TALDO1: variants seen among roughly 807,000 people sequenced by gnomAD.
TALDO1 encodes transaldolase.
In TALDO1, 29 loss-of-function variants were observed where a neutral mutation model predicts 38.1. The ratio of observed to expected loss-of-function variants is 0.76; its 90% CI spans 0.57 to 1.04. The LOEUF is 1.04. Among genes scored for constraint, TALDO1 ranks in the 50% least tolerant of loss-of-function variants. TALDO1 has a pLI of 0.00. For synonymous variants in TALDO1, 207 were observed against 176.8 expected, an observed-to-expected ratio of 1.17 and a Z score of -1.36; for missense variants, 499 against 438.1, an observed-to-expected ratio of 1.14 and a Z score of -1.24.
chr11:747,527 G>C lies in TALDO1; in HGVS notation c.46G>C (p.Asp16His). 3 of 1,600,208 alleles carry C rather than the reference G, an allele frequency of 1.9e-6. No homozygotes were observed. Among genetic ancestry groups the C allele is most frequent in the Non-Finnish European group, 2.6e-6 (3 of 1,175,028 alleles). The change falls in exon 1 of 8, where the codon GAC (aspartate) becomes CAC (histidine). Residue 16 changes from aspartate to histidine, a missense_variant. Physicochemically the swap from Asp to His is moderately conservative, Grantham distance 81. Transcript: ENST00000319006. ...GCGTCAGAGGATGGAGTCCGCGCTG[G>C]ACCAGCTCAAGCAGTTCACCACCGT... ...VKRQRMESALDQLKQFTTVVA... is the reference protein window; with the variant it reads ...VKRQRMESALHQLKQFTTVVA...
intron 1 of TALDO1, among the ~76,000 whole-genome samples, chr11:750,681 T>C (rs1862735348): frequency 6.6e-6 from 1 of 151,842 alleles, no homozygotes; most frequent in Admixed American, 6.6e-5. Flanking sequence ...AAAAATTATC[T>C]GGGCGTGGTG....
intron 2 of TALDO1, among the ~76,000 whole-genome samples, chr11:757,049 G>A (rs1012477130): frequency 1.1e-4 from 16 of 152,336 alleles, no homozygotes; most frequent in African/African-American, 3.8e-4. Context: ...CTCTGGTACT[G>A]GCTTTGCTTA....
chr11:763,267 TCCCCGCCCTCACCC>T, intron 4 of TALDO1, 63 bp from the exon 5 acceptor site: 65 of 142,130 alleles, frequency 4.6e-4, no homozygotes, highest in South Asian at 3.2e-3. Flanking sequence ...GCCCTCACCG[TCCCCGCCCTCACCC>T]GCCCCCGCCC....
intron 4 of TALDO1, among the ~76,000 whole-genome samples, chr11:762,116 C>T (rs1350288182): frequency 8.5e-5 from 13 of 152,182 alleles, no homozygotes; most frequent in Admixed American, 8.5e-4. Flanking sequence ...CAGGCAGGCG[C>T]CACCACTCCC....
chr11:763,907 C>G lies in TALDO1; in HGVS notation c.798C>G (p.Asp266Glu). 1 of 1,612,324 alleles carries G rather than the reference C, an allele frequency of 6.2e-7. No individual in the cohort carries two copies. The highest frequency in any genetic ancestry group is 1.7e-4 in the Middle Eastern group (1 of 5,910). Residue 266 changes from aspartate (D) to glutamate (E), a missense_variant, in exon 6 of 8, where the codon GAC (aspartate) becomes GAG (glutamate). Asp to Glu is a conservative substitution (Grantham distance 45). Coordinates refer to ENST00000319006, the MANE Select transcript of TALDO1 (RefSeq NM_006755.2). ...SPKLLGELLQ[D>E]NAKLVPVLSA... ...AGCTCCTGGGAGAGCTGCTGCAGGACAACGCCAAGCTGGTGCCTGTGCTCT... is the reference window on the plus strand; with the variant it reads ...AGCTCCTGGGAGAGCTGCTGCAGGAGAACGCCAAGCTGGTGCCTGTGCTCT...
intron 4 of TALDO1, among the ~76,000 whole-genome samples, chr11:761,606 T>C (rs1862925439): frequency 6.6e-6 from 1 of 152,252 alleles, no homozygotes; most frequent in Non-Finnish European, 1.5e-5. Flanking sequence ...CAGCCAATGC[T>C]ATACTCAAAT....
intron 1 of TALDO1, 144 bp from the exon 2 acceptor site, chr11:755,735 A>G: frequency 8.8e-7 from 1 of 1,137,372 alleles, no homozygotes; most frequent in Non-Finnish European, 1.3e-6. Flanking sequence ...ACCCAGAAGA[A>G]GGTGTGAGAA....
intron 2 of TALDO1, 91 bp downstream of exon 2, chr11:756,093 A>C: frequency 6.6e-7 from 1 of 1,512,242 alleles, no homozygotes; most frequent in Non-Finnish European, 8.9e-7. Flanking sequence ...TTAGTTCTCA[A>C]ACACCATGAA....
Position 760,208 on chromosome 11 carries a change from T to A in TALDO1, c.416T>A (p.Ile139Asn). Residue 139 changes from isoleucine (I) to asparagine (N), a missense_variant, in exon 4 of 8, where the codon ATT becomes AAT. Transcript: ENST00000319006. ...GAAGCTGGGATCAGCAAGGACCGAATTCTTATAAAGCTGTCATCAACCTGG... is the reference window on the plus strand; with the variant it reads ...GAAGCTGGGATCAGCAAGGACCGAAATCTTATAAAGCTGTCATCAACCTGG... ...YKEAGISKDR[I>N]LIKLSSTWEG... 6.2e-7 allele frequency: 1 copy of A among 1,614,220 alleles called. No homozygotes were observed. Among genetic ancestry groups the A allele is most frequent in the Non-Finnish European group, 8.5e-7 (1 of 1,180,028 alleles).
At chr11:753,037 T>C (rs1340988738) in intron 1 of TALDO1, among the ~76,000 whole-genome samples, 1 of 152,094 alleles carries the variant, frequency 6.6e-6, no homozygotes, top group East Asian at 1.9e-4. Flanking sequence ...CCCCCACACA[T>C]CGGTCACAGA....
chr11:764,471 CTA>C (rs771924893), intron 7 of TALDO1, 38 bp downstream of exon 7: 1 of 1,603,234 alleles, frequency 6.2e-7, no homozygotes, highest in East Asian at 2.2e-5. Flanking sequence ...ATGCCAAGCC[CTA>C]TGAGAGCCCG....
rs1472255822 is a variant in TALDO1 at position 761,353 on chromosome 11, A to G, written c.461+1100A>G. ...TCCATCTCAAAAAAAAAAAAAAAAAAGAAAAGAAAAACTAGCCCACCCCTG... is the reference window on the plus strand; with the variant it reads ...TCCATCTCAAAAAAAAAAAAAAAAAGGAAAAGAAAAACTAGCCCACCCCTG... On this transcript the variant is annotated intron_variant, in intron 4 of 7. Transcript: ENST00000319006. 5.3e-5 allele frequency among the ~76,000 whole-genome samples: 8 copies of G among 149,832 alleles called. No individual in the cohort carries two copies. In the East Asian group the frequency reaches 1.6e-3, roughly 30 times the overall value.
At position 760,127 on chromosome 11, in the gene TALDO1, C is replaced by T. The variant is rs1294895868; in HGVS notation, c.335C>T (p.Ser112Phe). The T allele has an allele frequency of 6.2e-7, 1 of 1,613,948 alleles. No homozygotes were observed. The highest frequency in any genetic ancestry group is 8.5e-7 in the Non-Finnish European group (1 of 1,179,988). ...GGTTCTTCTTGCTCCTACAGGCTCTCCTTTGATAAAGATGCGATGGTGGCC... is the reference window on the plus strand; with the variant it reads ...GGTTCTTCTTGCTCCTACAGGCTCTTCTTTGATAAAGATGCGATGGTGGCC... Reference protein sequence around the residue: ...RVSTEVDARLSFDKDAMVARA... With the variant: ...RVSTEVDARLFFDKDAMVARA... Residue 112 changes from serine (S) to phenylalanine (F), a missense_variant, in exon 4 of 8, where the codon TCC becomes TTC. Ser to Phe is a radical substitution (Grantham distance 155, BLOSUM62 -2). Transcript: ENST00000319006.
intron 4 of TALDO1, among the ~76,000 whole-genome samples, chr11:761,223 C>A (rs1862919002): frequency 6.6e-6 from 1 of 151,130 alleles, no homozygotes; most frequent in South Asian, 2.1e-4. Flanking sequence ...GTAATCCTAG[C>A]TACATGGGAG....
chr11:761,743 A>T (rs894878987), intron 4 of TALDO1, among the ~76,000 whole-genome samples: 1 of 152,114 alleles, frequency 6.6e-6, no homozygotes, highest in Non-Finnish European at 1.5e-5. Context: ...CAGTGGCACG[A>T]ACTTGGCTCA....
At chr11:764,489 G>A (rs1336910680) in intron 7 of TALDO1, 56 bp downstream of exon 7, 5 of 1,593,892 alleles carry the variant, frequency 3.1e-6, no homozygotes, top group Admixed American at 3.6e-5. Context: ...GCCCGGGCCT[G>A]GGCGTCGGGG....
At chr11:753,558 A>G (rs1182193357) in intron 1 of TALDO1, among the ~76,000 whole-genome samples, 1 of 151,382 alleles carries the variant, frequency 6.6e-6, no homozygotes, top group African/African-American at 2.4e-5. Flanking sequence ...AATACAAAAA[A>G]AAAAACACAA....
At chr11:760,348 C>G (rs1344561686) in intron 4 of TALDO1, 95 bp downstream of exon 4, 1 of 1,573,562 alleles carries the variant, frequency 6.4e-7, no homozygotes, top group East Asian at 2.3e-5. Flanking sequence ...TCTCTCAGCC[C>G]TGGGGAATGC....
chr11:763,360 C>CACGGCATCCACTGCAACATG lies in TALDO1; in HGVS notation c.482_501dup (p.Leu168AlafsTer6). On this transcript the variant is annotated frameshift_variant, in exon 5 of 8. Coordinates refer to ENST00000319006, the MANE Select transcript of TALDO1 (RefSeq NM_006755.2). LOFTEE classifies it high-confidence loss of function. ...GCCCCGCAGGGAGCTCGAGGAGCAG[C>CACGGCATCCACTGCAACATG]ACGGCATCCACTGCAACATGACGTT... 2 of 1,606,916 alleles carry CACGGCATCCACTGCAACATG rather than the reference C, an allele frequency of 1.2e-6. No individual in the cohort carries two copies. Among genetic ancestry groups the CACGGCATCCACTGCAACATG allele is most frequent in the Middle Eastern group, 1.7e-4 (1 of 6,040 alleles).
Sources: allele counts gnomAD v4.1 joint callset (sites outside exome capture counted in the v4.1 genomes callset), GRCh38; gene constraint gnomAD v4.1.1; transcripts MANE v1.5; gene names NCBI Gene and HGNC (gene_info 2026-07-23, HGNC 2026-07-21).